The following ZBTB20 variants were observed in gnomAD, a reference collection of about 807,000 sequenced individuals.
ZBTB20 encodes zinc finger and BTB domain-containing protein 20.
Under a neutral mutation model 56.9 loss-of-function variants are expected in ZBTB20, and 9 were observed. The observed-to-expected ratio is 0.16, with a 90% CI of 0.10 to 0.28. The LOEUF (loss-of-function observed/expected upper bound fraction) is 0.28, where lower values mean the gene tolerates loss of function less well. ZBTB20 is among the 10% of genes least tolerant of loss of function. The pLI, the probability that ZBTB20 is intolerant of heterozygous loss-of-function variation, is 1.00. For synonymous variants in ZBTB20, 417 were observed against 420.7 expected (o/e 0.99, Z 0.11); for missense variants, 655 against 1,003.0 (o/e 0.65, Z 4.69).
intron 4 of ZBTB20, among the ~76,000 whole-genome samples, chr3:114,816,514 AG>A (rs1401679523): frequency 1.3e-5 from 2 of 152,194 alleles, no homozygotes; most frequent in Non-Finnish European, 2.9e-5. Flanking sequence ...TTAAAAATTT[AG>A]GGGAGATAGA....
In ZBTB20 at chr3:114,706,006, T is replaced by C. The variant is rs1181586496; in HGVS notation, c.-342-12431A>G. 2.6e-5 allele frequency among the ~76,000 whole-genome samples: 4 copies of C among 152,170 alleles called. No homozygotes were observed. The East Asian group carries it at 7.7e-4, about 29-fold the overall frequency. On this transcript the variant is annotated intron_variant, in intron 5 of 11. Transcript: ENST00000675478. ...TTTACTTAACTCTTTCATAACACCA[T>C]CTAGCCACGGTCTATAGGAAATGGG...
intron 7 of ZBTB20, among the ~76,000 whole-genome samples, chr3:114,457,290 T>G (rs573299912): frequency 2.8e-4 from 43 of 152,316 alleles, no homozygotes; most frequent in Admixed American, 2.8e-3. Context: ...ATTGGTCCCA[T>G]AGAGTTGTCT....
At chr3:114,860,305 CA>C (rs10708532) in intron 4 of ZBTB20, among the ~76,000 whole-genome samples, 136,268 of 146,536 alleles carry the variant, frequency 0.93, 63,500 homozygotes, top group East Asian at 0.98. Context: ...GACTCCGTCT[CA>C]AAAAAAAAAA....
At chr3:114,508,949 A>T (rs897490158) in intron 6 of ZBTB20, among the ~76,000 whole-genome samples, 1 of 152,180 alleles carries the variant, frequency 6.6e-6, no homozygotes, top group African/African-American at 2.4e-5. Flanking sequence ...CAGAAAATAA[A>T]GTCAGCATTA....
chr3:114,780,589 G>A (rs2070009251), intron 5 of ZBTB20, among the ~76,000 whole-genome samples: 1 of 152,164 alleles, frequency 6.6e-6, no homozygotes, highest in Non-Finnish European at 1.5e-5. Flanking sequence ...CCGGGTTCAA[G>A]CGATTCTCCT....
intron 2 of ZBTB20, among the ~76,000 whole-genome samples, chr3:114,981,080 GA>G (rs941200459): frequency 2.0e-5 from 3 of 151,488 alleles, no homozygotes; most frequent in African/African-American, 4.8e-5. Context: ...CTGGGACGAT[GA>G]AAAAAAACCA....
chr3:114,898,157 T>C (rs1430834932), intron 4 of ZBTB20, among the ~76,000 whole-genome samples: 1 of 152,118 alleles, frequency 6.6e-6, no homozygotes, highest in African/African-American at 2.4e-5. Flanking sequence ...CATTTTATTT[T>C]TGTGTTTTAG....
intron 6 of ZBTB20, among the ~76,000 whole-genome samples, chr3:114,556,689 T>G (rs1418708881): frequency 1.3e-5 from 2 of 152,024 alleles, no homozygotes; most frequent in Non-Finnish European, 2.9e-5. Context: ...CGCAGATGAG[T>G]TATGCCAACC....
intron 6 of ZBTB20, among the ~76,000 whole-genome samples, chr3:114,584,704 C>T (rs1217356160): frequency 6.6e-6 from 1 of 152,194 alleles, no homozygotes; most frequent in African/African-American, 2.4e-5. Context: ...AGCCTCATCA[C>T]CACTTTGGCA....
chr3:114,351,474 G>T lies in ZBTB20; in HGVS notation c.604C>A (p.Pro202Thr). The change falls in exon 11 of 12, where the codon CCG becomes ACG. Residue 202 changes from proline to threonine, a missense_variant. Pro to Thr is a conservative substitution (Grantham distance 38, BLOSUM62 -1). Transcript: ENST00000675478. ...IVSQNVGDVFPGIQDSGQDTP... is the reference protein window; with the variant it reads ...IVSQNVGDVFTGIQDSGQDTP... ...TCCTGGCCCGAGTCCTGGATCCCCG[G>T]GAACACATCGCCCACGTTCTGTGAC... 6.2e-7 allele frequency: 1 copy of T among 1,613,850 alleles called. No individual in the cohort carries two copies. The highest frequency in any genetic ancestry group is 8.5e-7 in the Non-Finnish European group (1 of 1,180,014).
intron 1 of ZBTB20, among the ~76,000 whole-genome samples, chr3:115,081,692 T>C (rs145405607): frequency 6.6e-6 from 1 of 152,292 alleles, no homozygotes; most frequent in East Asian, 1.9e-4. Context: ...ATATAGCTGT[T>C]GACTGCATTG....
Position 114,726,344 on chromosome 3 carries a change from G to T in ZBTB20, c.-342-32769C>A, listed in dbSNP as rs149198590. 5.3e-5 allele frequency among the ~76,000 whole-genome samples: 8 copies of T among 152,058 alleles called. No individual in the cohort carries two copies. In the East Asian group the frequency reaches 1.5e-3, roughly 29 times the overall value. ...ATAAATTTGAAGTAGAACAACAGAG[G>T]GTTCTGGATTCCAAAAATCACTTGT... is the stretch of plus-strand genomic sequence containing the variant. On this transcript the variant is annotated intron_variant, in intron 5 of 11. Coordinates refer to ENST00000675478, the MANE Select transcript of ZBTB20 (RefSeq NM_001348800.3).
chr3:114,935,656 A>G (rs1328480433), intron 3 of ZBTB20, among the ~76,000 whole-genome samples: 1 of 152,210 alleles, frequency 6.6e-6, no homozygotes, highest in Non-Finnish European at 1.5e-5. Flanking sequence ...TACCTGGGAC[A>G]TAATTCAGTT....
At chr3:114,566,080 G>C (rs1017127116) in intron 6 of ZBTB20, among the ~76,000 whole-genome samples, 1 of 144,324 alleles carries the variant, frequency 6.9e-6, no homozygotes, top group Non-Finnish European at 1.5e-5. Flanking sequence ...CTTAGGATTC[G>C]TTTAGTCTGG....
rs79664093 is a variant in ZBTB20, at chr3:115,093,425, G to A, written c.-702-22011C>T. On this transcript the variant is annotated intron_variant, in intron 1 of 11. Transcript: ENST00000675478. ...TTTAGAAAGCGAAAAAGCAAGTGGG[G>A]TAGGGAATAGGTGGATGTGTTGGTC... Among the ~76,000 whole-genome samples, 867 of 152,252 alleles carry A rather than the reference G, an allele frequency of 5.7e-3. 19 individuals are homozygous for A. The East Asian group carries it at 0.072, about 13-fold the overall frequency.
At chr3:114,852,208 C>T (rs2107423618) in intron 4 of ZBTB20, among the ~76,000 whole-genome samples, 1 of 151,874 alleles carries the variant, frequency 6.6e-6, no homozygotes, top group African/African-American at 2.4e-5. Flanking sequence ...TTTGTCTTAT[C>T]ACTTATTCAA....
At chr3:114,965,173 A>T (rs938844735) in intron 3 of ZBTB20, among the ~76,000 whole-genome samples, 1 of 152,066 alleles carries the variant, frequency 6.6e-6, no homozygotes, top group Non-Finnish European at 1.5e-5. Context: ...CCTTTTGAAA[A>T]TTCTCCCTTA....
chr3:114,654,121 TTTG>T (rs1181767365), intron 6 of ZBTB20, among the ~76,000 whole-genome samples: 1 of 151,830 alleles, frequency 6.6e-6, no homozygotes, highest in East Asian at 1.9e-4. Context: ...GCCTTTGTTA[TTTG>T]TTTTCTTTTT....
chr3:114,985,125 A>G (rs532892263), intron 2 of ZBTB20, among the ~76,000 whole-genome samples: 1 of 152,156 alleles, frequency 6.6e-6, no homozygotes, highest in East Asian at 1.9e-4. Flanking sequence ...TATTTTACTT[A>G]TTTATAAACT....
Sources: gnomAD v4.1 joint callset for allele counts (sites outside exome capture counted in the v4.1 genomes callset) on GRCh38, gnomAD v4.1.1 for gene constraint, MANE v1.5 for transcripts, NCBI Gene and HGNC (gene_info 2026-07-23, HGNC 2026-07-21) for gene names.